Variants in CCDC59 observed in about 807,000 individuals in gnomAD.
CCDC59 encodes the protein thyroid transcription factor 1-associated protein 26.
Under a neutral mutation model 30.5 loss-of-function variants are expected in CCDC59, and 27 were observed. That is an observed-to-expected ratio of 0.89 (90% CI 0.65 to 1.22). The LOEUF (loss-of-function observed/expected upper bound fraction) is 1.22, where lower values mean the gene tolerates loss of function less well. Ranked by LOEUF, CCDC59 falls within the 50% of genes most tolerant of loss-of-function variation. CCDC59 has a pLI of 0.00. For missense variants in CCDC59, 362 were observed against 284.4 expected, an observed-to-expected ratio of 1.27 and a Z score of -1.96; for synonymous variants, 125 against 100.9, an observed-to-expected ratio of 1.24 and a Z score of -1.43.
At chr12:82,358,628 G>A, upstream of CCDC59, 2 of 1,614,058 alleles carry the variant, frequency 1.2e-6, no homozygotes, top group Non-Finnish European at 1.7e-6. Context: ...CCAAGTTGCA[G>A]GGACTGCTGC....
intron 2 of CCDC59, chr12:82,355,031 T>C (rs2136747878): frequency 6.5e-6 from 1 of 153,044 alleles, no homozygotes; most frequent in East Asian, 1.9e-4. Context: ...GTCCTTTTTG[T>C]CAAGGCTAAT....
rs753124502 is a variant in CCDC59, at chr12:82,352,889, G to T, written c.*262C>A. The T allele has an allele frequency of 3.6e-5, 10 of 280,770 alleles. No individual in the cohort carries two copies. Among genetic ancestry groups the T allele is most frequent in the Non-Finnish European group, 6.6e-5 (10 of 151,534 alleles). The allele number at this position is 280,770 out of a possible 1,614,324, so 17.4% of individuals were successfully genotyped here. ...CATATAAATCTCATATGGTACAAAA[G>T]TATTACATGCTTGGGCCTGTCTTGC... On this transcript the variant is annotated 3_prime_UTR_variant, in exon 4 of 4. Coordinates refer to ENST00000256151, the MANE Select transcript of CCDC59 (RefSeq NM_014167.5).
chr12:82,356,818 C>T (rs1482389674), intron 2 of CCDC59, 142 bp downstream of exon 2: 2 of 634,690 alleles, frequency 3.2e-6, no homozygotes, highest in Non-Finnish European at 5.1e-6. Context: ...AATAGAGCCT[C>T]CATGAAAATG....
intron 2 of CCDC59, 114 bp downstream of exon 2, chr12:82,356,846 T>A (rs1286515419): frequency 3.7e-6 from 3 of 815,058 alleles, no homozygotes; most frequent in Non-Finnish European, 5.4e-6. Context: ...AATTAAACCG[T>A]GACTTCTAAA....
rs190675847 is a variant in CCDC59, at chr12:82,353,905, T to G, written c.564+590A>C. ...TACCACAGTTACAACAAAATGACAA[T>G]TTTGTTGAGGCTGTGGGTAATTCTG... On this transcript the variant is annotated intron_variant, in intron 3 of 3. Coordinates refer to ENST00000256151, the MANE Select transcript of CCDC59 (RefSeq NM_014167.5). Among the ~76,000 whole-genome samples the G allele has an allele frequency of 3.6e-3, 544 of 152,056 alleles. 3 individuals are homozygous for G. The highest frequency in any genetic ancestry group is 0.012 in the African/African-American group (515 of 41,512).
At chr12:82,358,505 G>A (rs900406654), upstream of CCDC59, 11 of 1,596,254 alleles carry the variant, frequency 6.9e-6, no homozygotes, top group Admixed American at 1.7e-5. Context: ...GTGCTAATTT[G>A]GGCCGAGCTG....
Position 82,353,045 on chromosome 12 carries a change from T to C in CCDC59, c.*106A>G. 1.2e-6 allele frequency: 1 copy of C among 823,810 alleles called. No homozygotes were observed. The highest frequency in any genetic ancestry group is 1.9e-6 in the Non-Finnish European group (1 of 532,752). 51.0% of individuals were successfully genotyped at this position (823,810 alleles called of 1,614,324 possible). On this transcript the variant is annotated 3_prime_UTR_variant, in exon 4 of 4. Coordinates refer to ENST00000256151, the MANE Select transcript of CCDC59 (RefSeq NM_014167.5). The stretch of plus-strand genomic sequence containing the variant: ...TGTGAACATCTTATATTTAGCATAG[T>C]TTAGCAATCCAGTTTATGTCGACAA...
Position 82,357,066 on chromosome 12 carries a change from G to A in CCDC59, c.358C>T (p.His120Tyr), listed in dbSNP as rs1323409834. 8 of 1,614,044 alleles carry A rather than the reference G, an allele frequency of 5.0e-6. No individual in the cohort carries two copies. The highest frequency in any genetic ancestry group is 1.1e-5 in the South Asian group (1 of 91,078). ...KVDHPLSEQVHQPLLEEQCSI... is the reference protein window; with the variant it reads ...KVDHPLSEQVYQPLLEEQCSI... ...CACTGTTCTTCAAGCAACGGCTGGT[G>A]AACTTGTTCTGACAAAGGATGGTCG... Residue 120 changes from histidine (H) to tyrosine (Y), a missense_variant, in exon 2 of 4, where the codon CAC becomes TAC. His to Tyr is a moderately conservative substitution (Grantham distance 83). Coordinates refer to ENST00000256151, the MANE Select transcript of CCDC59 (RefSeq NM_014167.5).
Position 82,353,227 on chromosome 12 carries a change from T to C in CCDC59, c.650A>G (p.Lys217Arg), listed in dbSNP as rs200352276. 4 of 1,613,120 alleles carry C rather than the reference T, an allele frequency of 2.5e-6. No homozygotes were observed. Among genetic ancestry groups the C allele is most frequent in the African/African-American group, 1.3e-5 (1 of 74,994 alleles). The change falls in exon 4 of 4, where the codon AAA becomes AGA. Residue 217 changes from lysine (K) to arginine (R), a missense_variant. Lys to Arg is a conservative substitution (Grantham distance 26). Transcript: ENST00000256151. ...GTTTGGTTGGCCCTTTTTAGTCTTT[T>C]TGTTCAGTATTTTAAACACTTCCAT... ...KKMEVFKILNKKTKKGQPNLN... is the reference protein window; with the variant it reads ...KKMEVFKILNRKTKKGQPNLN...
chr12:82,354,508 GC>G lies in CCDC59; in HGVS notation c.550del (p.Ala184LeufsTer32). The G allele has an allele frequency of 6.3e-7, 1 of 1,590,344 alleles. No homozygotes were observed. The highest frequency in any genetic ancestry group is 1.2e-5 in the South Asian group (1 of 86,332). On this transcript the variant is annotated frameshift_variant, in exon 3 of 4. Transcript: ENST00000256151. LOFTEE classifies it high-confidence loss of function. ...EEYEQIQAKR[A>X]AKKQEFERRK... is the part of the protein sequence containing the mutation. ...AGTAGAACTTACTTGTTTCTTAGCAGCACGTTTGGCTTGTATCTGTTCATAT... is the reference window on the plus strand; with the variant it reads ...AGTAGAACTTACTTGTTTCTTAGCAGACGTTTGGCTTGTATCTGTTCATAT...
At position 82,357,070 on chromosome 12, in the gene CCDC59, T is replaced by G; in HGVS notation, c.354A>C (p.Gln118His). Residue 118 changes from glutamine to histidine, a missense_variant, in exon 2 of 4, where the codon CAA (glutamine) becomes CAC (histidine). Coordinates refer to ENST00000256151, the MANE Select transcript of CCDC59 (RefSeq NM_014167.5). ...ARKVDHPLSE[Q>H]VHQPLLEEQC... The stretch of plus-strand genomic sequence containing the variant: ...GTTCTTCAAGCAACGGCTGGTGAAC[T>G]TGTTCTGACAAAGGATGGTCGACTT... 1 of 1,614,218 alleles carries G rather than the reference T, an allele frequency of 6.2e-7. No homozygotes were observed. The highest frequency in any genetic ancestry group is 8.5e-7 in the Non-Finnish European group (1 of 1,180,014).
At chr12:82,357,411 C>T in intron 1 of CCDC59, 142 bp from the exon 2 acceptor site, 10 of 706,194 alleles carry the variant, frequency 1.4e-5, no homozygotes, top group Non-Finnish European at 1.8e-5. Context: ...AAAATTATTT[C>T]AAGCAACAAA....
chr12:82,355,066 T>C (rs1314302658), intron 2 of CCDC59: 1 of 152,772 alleles, frequency 6.5e-6, no homozygotes, highest in Non-Finnish European at 1.5e-5. Flanking sequence ...TTCCATTCAT[T>C]TCCTCAGCAT....
upstream of CCDC59, chr12:82,358,581 C>T (rs759680522): frequency 5.0e-6 from 8 of 1,611,758 alleles, no homozygotes; most frequent in African/African-American, 1.3e-5. Context: ...GGCTTCTTGC[C>T]CTCTCCCGGT....
chr12:82,358,095 G>A, intron 1 of CCDC59, 128 bp downstream of exon 1: 2 of 1,030,270 alleles, frequency 1.9e-6, no homozygotes, highest in Non-Finnish European at 2.8e-6. Flanking sequence ...AGCGGGCTCA[G>A]GAATGAATTC....
chr12:82,353,374 G>T, intron 3 of CCDC59, 62 bp from the exon 4 acceptor site: 3 of 1,325,276 alleles, frequency 2.3e-6, no homozygotes, highest in Non-Finnish European at 3.1e-6. Flanking sequence ...TTCAGAAATT[G>T]TCTTGAAATA....
chr12:82,358,108 T>C, intron 1 of CCDC59, 115 bp downstream of exon 1: 2 of 1,194,772 alleles, frequency 1.7e-6, no homozygotes, highest in Non-Finnish European at 2.4e-6. Context: ...ATGAATTCCC[T>C]TGCCCCAAGT....
chr12:82,358,124 C>A, intron 1 of CCDC59, 99 bp downstream of exon 1: 1 of 1,381,506 alleles, frequency 7.2e-7, no homozygotes, highest in South Asian at 1.3e-5. Flanking sequence ...CAAGTAGGAC[C>A]GGGTCTGGTT....
At chr12:82,354,307 T>A (rs1880932130) in intron 3 of CCDC59, among the ~76,000 whole-genome samples, 188 bp downstream of exon 3, 1 of 152,046 alleles carries the variant, frequency 6.6e-6, no homozygotes, top group Non-Finnish European at 1.5e-5. Flanking sequence ...TAGTATTGCT[T>A]GACATAATAC....
Sources: gnomAD v4.1 joint callset for allele counts (sites outside exome capture counted in the v4.1 genomes callset) on GRCh38, gnomAD v4.1.1 for gene constraint, MANE v1.5 for transcripts, NCBI Gene and HGNC (gene_info 2026-07-23, HGNC 2026-07-21) for gene names.